Variants in SHC4 observed in about 807,000 individuals in gnomAD.
SHC4 encodes the protein SHC-transforming protein 4.
A neutral mutation model predicts 69.4 loss-of-function variants in SHC4; 41 were observed. That is an observed-to-expected ratio of 0.59 (90% CI 0.46 to 0.77). The LOEUF (loss-of-function observed/expected upper bound fraction) is 0.77, where lower values mean the gene tolerates loss of function less well. SHC4 is among the 30% of genes least tolerant of loss of function. SHC4 has a pLI of 0.00. For synonymous variants in SHC4, 318 were observed against 299.3 expected, an observed-to-expected ratio of 1.06 and a Z score of -0.64; for missense variants, 777 against 783.8, an observed-to-expected ratio of 0.99 and a Z score of 0.10.
intron 2 of SHC4, among the ~76,000 whole-genome samples, chr15:48,911,909 G>A (rs888825185): frequency 2.6e-5 from 4 of 152,162 alleles, no homozygotes; most frequent in Non-Finnish European, 5.9e-5. Context: ...TGTTTGAGGA[G>A]GCTGAAGATA....
At chr15:48,956,746 G>A (rs1166927868) in intron 1 of SHC4, among the ~76,000 whole-genome samples, 1 of 152,060 alleles carries the variant, frequency 6.6e-6, no homozygotes, top group Non-Finnish European at 1.5e-5. Flanking sequence ...GTAAGAGGGT[G>A]CTAAAATAGA....
chr15:48,857,016 T>C (rs1899332813), intron 7 of SHC4, among the ~76,000 whole-genome samples: 1 of 151,980 alleles, frequency 6.6e-6, no homozygotes, highest in African/African-American at 2.4e-5. Flanking sequence ...CAAAGTGACA[T>C]ACCAGAGGAA....
intron 4 of SHC4, among the ~76,000 whole-genome samples, chr15:48,874,965 G>A (rs1443140384): frequency 2.6e-5 from 4 of 152,146 alleles, no homozygotes; most frequent in Admixed American, 2.6e-4. Flanking sequence ...GTTTTGGTAA[G>A]CCCATAAGCT....
intron 10 of SHC4, 34 bp from the exon 11 acceptor site, chr15:48,835,056 G>C (rs1404170000): frequency 6.3e-7 from 1 of 1,578,530 alleles, no homozygotes; most frequent in Non-Finnish European, 8.6e-7. Flanking sequence ...ACATCATCGA[G>C]TTACCTCTTC....
At chr15:48,866,085 T>A (rs2140989753) in intron 6 of SHC4, among the ~76,000 whole-genome samples, 1 of 152,334 alleles carries the variant, frequency 6.6e-6, no homozygotes, top group Admixed American at 6.5e-5. Flanking sequence ...CTGATGTATT[T>A]TTTTCTTCCT....
At chr15:48,942,484 A>T (rs1211489907) in intron 1 of SHC4, among the ~76,000 whole-genome samples, 1 of 150,694 alleles carries the variant, frequency 6.6e-6, no homozygotes, top group Non-Finnish European at 1.5e-5. Context: ...GTATTCTTTA[A>T]AAAAAAAAAC....
chr15:48,954,334 C>A (rs1901409395), intron 1 of SHC4, among the ~76,000 whole-genome samples: 1 of 152,148 alleles, frequency 6.6e-6, no homozygotes, highest in South Asian at 2.1e-4. Context: ...AGCAGAGGTT[C>A]CCAAATCTTC....
chr15:48,890,596 A>G, intron 3 of SHC4, 152 bp downstream of exon 3: 1 of 786,254 alleles, frequency 1.3e-6, no homozygotes, highest in South Asian at 1.6e-5. Flanking sequence ...TTTGAGGGAC[A>G]AGAGCAGTTT....
intron 4 of SHC4, chr15:48,878,173 C>G (rs767143351): frequency 6.5e-7 from 1 of 1,548,276 alleles, no homozygotes; most frequent in African/African-American, 1.4e-5. Flanking sequence ...GAGCGGTTTG[C>G]ACAATGTCGG....
intron 2 of SHC4, among the ~76,000 whole-genome samples, chr15:48,903,065 A>C (rs1401498831): frequency 6.6e-6 from 1 of 152,240 alleles, no homozygotes; most frequent in African/African-American, 2.4e-5. Flanking sequence ...GATCTGGATC[A>C]AAAACACCCA....
chr15:48,916,277 AC>A lies in SHC4; in HGVS notation c.656+8601del, dbSNP rs1900619037. Reference sequence around the variant, plus strand: ...TGCTTTGCAGCTGATGGTTGCTCACACACACACACACACACACACACACACA... The same window carrying A: ...TGCTTTGCAGCTGATGGTTGCTCACAACACACACACACACACACACACACA... On this transcript the variant is annotated intron_variant, in intron 2 of 11. Transcript: ENST00000332408. Among the ~76,000 whole-genome samples the A allele has an allele frequency of 4.9e-4, 7 of 14,326 alleles. 1 individual carries two copies. The highest frequency in any genetic ancestry group is 3.3e-3 in the Admixed American group (4 of 1,224). 9.4% of individuals were successfully genotyped at this position (14,326 alleles called of 152,430 possible).
intron 2 of SHC4, among the ~76,000 whole-genome samples, chr15:48,913,602 C>G (rs1053713860): frequency 6.6e-6 from 1 of 152,106 alleles, no homozygotes; most frequent in African/African-American, 2.4e-5. Flanking sequence ...TGCCCTCCCC[C>G]AAGTTCTGGC....
intron 1 of SHC4, among the ~76,000 whole-genome samples, chr15:48,958,565 T>C (rs959019045): frequency 6.6e-6 from 1 of 152,096 alleles, no homozygotes; most frequent in Non-Finnish European, 1.5e-5. Flanking sequence ...AAGTTGAGAA[T>C]TGGAAAGGAA....
chr15:48,952,804 C>T (rs4775787), intron 1 of SHC4, among the ~76,000 whole-genome samples: 132,036 of 152,252 alleles, frequency 0.87, 57,417 homozygotes, highest in Middle Eastern at 0.93. Flanking sequence ...AGGGAATGCT[C>T]ATACACTGTT....
intron 6 of SHC4, among the ~76,000 whole-genome samples, chr15:48,859,562 A>G (rs1489341325): frequency 6.6e-6 from 1 of 152,068 alleles, no homozygotes; most frequent in African/African-American, 2.4e-5. Context: ...TTGTTCCTAT[A>G]TTTTTCTCCA....
chr15:48,867,777 T>C lies in SHC4; in HGVS notation c.946+41A>G, dbSNP rs904818637. ...TGTTGGTTACTTTTTAGAGTTGGTA[T>C]ATACCAGCTCTTTAAAAAATCTGTA... is the stretch of plus-strand genomic sequence containing the variant. On this transcript the variant is annotated intron_variant, in intron 6 of 11. Transcript: ENST00000332408. The C allele has an allele frequency of 3.2e-6, 5 of 1,569,718 alleles. No homozygotes were observed. The Admixed American group carries it at 5.0e-5, about 16-fold the overall frequency.
At position 48,837,302 on chromosome 15, in the gene SHC4, C is replaced by T. The variant is rs116564848; in HGVS notation, c.1484-2280G>A. On this transcript the variant is annotated intron_variant, in intron 10 of 11. Coordinates refer to ENST00000332408, the MANE Select transcript of SHC4 (RefSeq NM_203349.4). ...AGATACTCCGCTGGGAGATTTCAAT[C>T]ATCCAAACATTTGCTGAAAATCTGA... 6.2e-3 allele frequency among the ~76,000 whole-genome samples: 941 copies of T among 152,312 alleles called. 8 individuals are homozygous for T. Among genetic ancestry groups the T allele is most frequent in the African/African-American group, 0.021 (889 of 41,566 alleles).
intron 6 of SHC4, among the ~76,000 whole-genome samples, chr15:48,861,370 G>C (rs1056344703): frequency 6.6e-6 from 1 of 152,220 alleles, no homozygotes; most frequent in Non-Finnish European, 1.5e-5. Flanking sequence ...GTTCTGCCCA[G>C]TCTCACCACC....
chr15:48,829,893 T>C (rs1898764599), intron 11 of SHC4, among the ~76,000 whole-genome samples: 1 of 152,220 alleles, frequency 6.6e-6, no homozygotes, highest in Non-Finnish European at 1.5e-5. Context: ...CACTCCAGCC[T>C]GGGCAATAGA....
Sources: gnomAD v4.1 joint callset for allele counts (sites outside exome capture counted in the v4.1 genomes callset) on GRCh38, gnomAD v4.1.1 for gene constraint, MANE v1.5 for transcripts, NCBI Gene and HGNC (gene_info 2026-07-23, HGNC 2026-07-21) for gene names.